The following PDZRN4 variants were observed in gnomAD, a reference collection of about 807,000 sequenced individuals.
PDZRN4 encodes PDZ domain-containing RING finger protein 4.
PDZRN4 carries 70 observed loss-of-function variants against 99.0 expected under a neutral mutation model. The ratio of observed to expected loss-of-function variants is 0.71; its 90% CI spans 0.58 to 0.86. PDZRN4 has a LOEUF of 0.86. PDZRN4 is among the 40% of genes least tolerant of loss of function. PDZRN4 has a pLI of 0.00. For missense variants in PDZRN4, 1,474 were observed against 1,331.2 expected, an observed-to-expected ratio of 1.11 and a Z score of -1.67; for synonymous variants, 551 against 501.6, an observed-to-expected ratio of 1.10 and a Z score of -1.32.
intron 3 of PDZRN4, among the ~76,000 whole-genome samples, chr12:41,462,802 G>A (rs1175284829): frequency 6.6e-6 from 1 of 151,722 alleles, no homozygotes; most frequent in African/African-American, 2.4e-5. Context: ...TCAGAAAATG[G>A]TCTTATAAAA....
At position 41,436,245 on chromosome 12, in the gene PDZRN4, G is replaced by T. The variant is rs56017096; in HGVS notation, c.844-70211G>T. On this transcript the variant is annotated intron_variant, in intron 3 of 9. Coordinates refer to ENST00000402685, the MANE Select transcript of PDZRN4 (RefSeq NM_001164595.2). ...TTGGCTTTCATCCAGGCTGTTAGGT[G>T]AAATTAGGCCCAGAAAATCGGATTA... 3.9e-3 allele frequency among the ~76,000 whole-genome samples: 597 copies of T among 152,258 alleles called. 2 individuals are homozygous for T. Among genetic ancestry groups the T allele is most frequent in the African/African-American group, 0.014 (579 of 41,550 alleles).
intron 6 of PDZRN4, among the ~76,000 whole-genome samples, chr12:41,555,052 C>CAAAAAA (rs67810817): frequency 1.8e-5 from 2 of 113,542 alleles, no homozygotes; most frequent in Non-Finnish European, 3.6e-5. Context: ...ACTAAAAATA[C>CAAAAAA]AAAAAAAAAA....
intron 3 of PDZRN4, among the ~76,000 whole-genome samples, chr12:41,496,160 T>G (rs1937998145): frequency 6.6e-6 from 1 of 152,098 alleles, no homozygotes; most frequent in African/African-American, 2.4e-5. Flanking sequence ...ATTGAGATAA[T>G]ATAGGCCAAG....
intron 5 of PDZRN4, among the ~76,000 whole-genome samples, chr12:41,525,865 G>A (rs573763015): frequency 6.6e-6 from 1 of 151,834 alleles, no homozygotes. Flanking sequence ...TTCAAATTAA[G>A]CCCATTTGTA....
At chr12:41,571,713 TG>T (rs1351585627) in intron 9 of PDZRN4, among the ~76,000 whole-genome samples, 1 of 152,192 alleles carries the variant, frequency 6.6e-6, no homozygotes, top group Non-Finnish European at 1.5e-5. Flanking sequence ...ATTCTGGCAC[TG>T]GAAGATGAAG....
intron 3 of PDZRN4, among the ~76,000 whole-genome samples, chr12:41,378,315 C>T (rs936974120): frequency 6.6e-6 from 1 of 152,008 alleles, no homozygotes; most frequent in African/African-American, 2.4e-5. Flanking sequence ...TCCTTACATT[C>T]CAGGGATAAA....
At chr12:41,365,583 G>GT in intron 3 of PDZRN4, among the ~76,000 whole-genome samples, 1 of 152,162 alleles carries the variant, frequency 6.6e-6, no homozygotes, top group East Asian at 1.9e-4. Context: ...AGGGTGTTGT[G>GT]TTGACGGATA....
intron 3 of PDZRN4, among the ~76,000 whole-genome samples, chr12:41,419,890 T>C (rs1952475426): frequency 6.6e-6 from 1 of 152,178 alleles, no homozygotes; most frequent in Non-Finnish European, 1.5e-5. Flanking sequence ...GGAACTGCAA[T>C]TGTTTTGCAT....
chr12:41,562,832 T>C (rs1019218091), intron 7 of PDZRN4, among the ~76,000 whole-genome samples: 1 of 152,178 alleles, frequency 6.6e-6, no homozygotes, highest in Non-Finnish European at 1.5e-5. Context: ...CACTCATCAT[T>C]ATTTTAAAAA....
In PDZRN4 at chr12:41,506,597, C is replaced by CTTA. The variant is rs757510534; in HGVS notation, c.987_989dup (p.Leu329_Met330insIle). The CTTA allele has an allele frequency of 2.5e-6, 4 of 1,613,798 alleles. No homozygotes were observed. Among genetic ancestry groups the CTTA allele is most frequent in the Admixed American group, 3.3e-5 (2 of 59,976 alleles). ...CTATGGGATGGCTTCAGAAGTGCAG[C>CTTA]TTATGAATGCCAGCACTCAGACGGA... On this transcript the variant is annotated inframe_insertion, in exon 4 of 10. Transcript: ENST00000402685.
chr12:41,542,001 C>G (rs1002667257), intron 5 of PDZRN4, among the ~76,000 whole-genome samples: 3 of 152,132 alleles, frequency 2.0e-5, no homozygotes, highest in African/African-American at 7.2e-5. Flanking sequence ...AGCTGACTTC[C>G]TTTGCTGAAA....
At chr12:41,392,998 C>A (rs988664931) in intron 3 of PDZRN4, among the ~76,000 whole-genome samples, 13 of 152,138 alleles carry the variant, frequency 8.5e-5, no homozygotes, top group African/African-American at 3.1e-4. Context: ...ACCTGTTGTG[C>A]CCCAGGCATT....
chr12:41,381,813 C>T (rs4278567), intron 3 of PDZRN4, among the ~76,000 whole-genome samples: 4 of 152,094 alleles, frequency 2.6e-5, no homozygotes. Flanking sequence ...CATTGGTATG[C>T]GTACATTTGA....
At chr12:41,205,816 G>A (rs1432664263) in intron 3 of PDZRN4, among the ~76,000 whole-genome samples, 1 of 151,826 alleles carries the variant, frequency 6.6e-6, no homozygotes, top group Non-Finnish European at 1.5e-5. Flanking sequence ...AGTTATGCTC[G>A]AGACCAGCAC....
intron 3 of PDZRN4, among the ~76,000 whole-genome samples, chr12:41,374,581 G>T (rs1314083486): frequency 6.6e-6 from 1 of 152,132 alleles, no homozygotes; most frequent in Non-Finnish European, 1.5e-5. Flanking sequence ...CTATAGAAAA[G>T]TGGGAATGTT....
chr12:41,383,895 C>A (rs964961714), intron 3 of PDZRN4, among the ~76,000 whole-genome samples: 1 of 150,958 alleles, frequency 6.6e-6, no homozygotes, highest in South Asian at 2.1e-4. Flanking sequence ...CTTGGAGGCT[C>A]CTGTAATAAT....
intron 3 of PDZRN4, among the ~76,000 whole-genome samples, chr12:41,457,108 T>C (rs1952822958): frequency 6.6e-6 from 1 of 152,208 alleles, no homozygotes; most frequent in Non-Finnish European, 1.5e-5. Context: ...CTCTGACTAA[T>C]TATTCACACA....
chr12:41,567,942 G>C, intron 9 of PDZRN4, 43 bp downstream of exon 9: 1 of 1,168,824 alleles, frequency 8.6e-7, no homozygotes, highest in Admixed American at 2.1e-5. Flanking sequence ...TATGTTGCTT[G>C]TTCTTTTTTT....
intron 3 of PDZRN4, among the ~76,000 whole-genome samples, chr12:41,405,676 A>T (rs1395249450): frequency 6.6e-6 from 1 of 152,194 alleles, no homozygotes; most frequent in Admixed American, 6.5e-5. Context: ...TATTCACAAG[A>T]GCAAAGACAT....
Sources: allele counts gnomAD v4.1 joint callset (sites outside exome capture counted in the v4.1 genomes callset), GRCh38; gene constraint gnomAD v4.1.1; transcripts MANE v1.5; gene names NCBI Gene and HGNC (gene_info 2026-07-23, HGNC 2026-07-21).